Variants in GRK5 observed in about 807,000 individuals in gnomAD.
GRK5 encodes g protein-coupled receptor kinase GRK5.
A neutral mutation model predicts 78.4 loss-of-function variants in GRK5; 40 were observed. The ratio of observed to expected loss-of-function variants is 0.51; its 90% confidence interval spans 0.40 to 0.66. GRK5 has a LOEUF of 0.66. Among genes scored for constraint, GRK5 ranks in the 30% least tolerant of loss-of-function variants. The pLI, the probability that GRK5 is intolerant of heterozygous loss-of-function variation, is 0.00. For synonymous variants in GRK5, 289 were observed against 296.8 expected (o/e 0.97, Z 0.27); for missense variants, 598 against 759.9 (o/e 0.79, Z 2.50).
chr10:119,245,537 A>G (rs779759345), intron 1 of GRK5, among the ~76,000 whole-genome samples: 11 of 152,348 alleles, frequency 7.2e-5, no homozygotes, highest in Non-Finnish European at 1.2e-4. Context: ...AAGAACAAAT[A>G]ATGCACAATT....
At chr10:119,416,155 C>T (rs1184942963) in intron 4 of GRK5, among the ~76,000 whole-genome samples, 1 of 152,250 alleles carries the variant, frequency 6.6e-6, no homozygotes, top group Non-Finnish European at 1.5e-5. Flanking sequence ...CACCCTGACA[C>T]TTGAAACAAG....
chr10:119,355,477 A>G (rs1271395649), intron 2 of GRK5, among the ~76,000 whole-genome samples: 1 of 152,144 alleles, frequency 6.6e-6, no homozygotes, highest in Non-Finnish European at 1.5e-5. Context: ...AAAAGGTATA[A>G]CCCACATAAA....
At chr10:119,340,236 C>T (rs1363145591) in intron 2 of GRK5, among the ~76,000 whole-genome samples, 6 of 152,110 alleles carry the variant, frequency 3.9e-5, no homozygotes, top group Admixed American at 3.9e-4. Context: ...AAATGATTCT[C>T]ATGCCTCAGC....
chr10:119,321,261 C>T lies in GRK5; in HGVS notation c.53-5255C>T, dbSNP rs1298620948. On this transcript the variant is annotated intron_variant, in intron 1 of 15. Coordinates refer to ENST00000392870, the MANE Select transcript of GRK5 (RefSeq NM_005308.3). ...GTCTGCTGTCATTTAGGGGGATCCCCTGCTGAGAACATCCTCGTATTAGCT... is the reference window on the plus strand; with the variant it reads ...GTCTGCTGTCATTTAGGGGGATCCCTTGCTGAGAACATCCTCGTATTAGCT... Among the ~76,000 whole-genome samples, 6 of 152,332 alleles carry T rather than the reference C, an allele frequency of 3.9e-5. No individual in the cohort carries two copies. In the South Asian group the frequency reaches 1.2e-3, roughly 32 times the overall value.
chr10:119,332,541 T>C, intron 2 of GRK5, among the ~76,000 whole-genome samples: 1 of 152,228 alleles, frequency 6.6e-6, no homozygotes, highest in East Asian at 1.9e-4. Context: ...GGTTGTTGTC[T>C]ACATTCATAA....
rs1270353333 is a variant in GRK5, at chr10:119,448,140, G to A, written c.1284G>A (p.Ala428=). ...TGTTTCAGCTGCTCACGAAAGATGC[G>A]AAGCAGAGGCTGGGCTGCCAGGAGG... ...SICKMLLTKD[A]KQRLGCQEEG... is the part of the protein sequence containing the mutation. The change falls in exon 13 of 16, where the codon GCG becomes GCA. Residue 428 remains alanine (A), a synonymous_variant. Transcript: ENST00000392870. 10 of 1,559,624 alleles carry A rather than the reference G, an allele frequency of 6.4e-6. No individual in the cohort carries two copies. Among genetic ancestry groups the A allele is most frequent in the South Asian group, 1.2e-5 (1 of 83,084 alleles).
intron 6 of GRK5, among the ~76,000 whole-genome samples, chr10:119,427,706 C>T (rs1006483140): frequency 7.4e-6 from 1 of 135,054 alleles, no homozygotes; most frequent in Non-Finnish European, 1.5e-5. Context: ...AACAGCATCA[C>T]CACCATCATT....
chr10:119,265,299 C>T (rs1057155304), intron 1 of GRK5, among the ~76,000 whole-genome samples: 3 of 152,178 alleles, frequency 2.0e-5, no homozygotes, highest in Non-Finnish European at 2.9e-5. Context: ...GCTGAGGCCC[C>T]CCCGCAGGTG....
At chr10:119,407,961 C>T (rs562829578) in intron 4 of GRK5, among the ~76,000 whole-genome samples, 4 of 152,026 alleles carry the variant, frequency 2.6e-5, no homozygotes, top group African/African-American at 7.2e-5. Context: ...GTCGGGAGTT[C>T]AAGACCAGCC....
chr10:119,261,044 C>CA (rs1205702468), intron 1 of GRK5, among the ~76,000 whole-genome samples: 1 of 116,482 alleles, frequency 8.6e-6, no homozygotes, highest in Non-Finnish European at 1.9e-5. Flanking sequence ...GCTGACCCCC[C>CA]CACCTCCCTC....
intron 1 of GRK5, chr10:119,211,676 C>T (rs759941051): frequency 6.6e-6 from 1 of 152,254 alleles, no homozygotes; most frequent in Non-Finnish European, 1.5e-5. Flanking sequence ...TCATTTGTCA[C>T]AATTGCCAAA....
At chr10:119,333,467 G>C in intron 2 of GRK5, 1 of 241,338 alleles carries the variant, frequency 4.1e-6, no homozygotes, top group Admixed American at 5.1e-5. Context: ...TTAGCTCAGG[G>C]GACTGGAGAG....
At chr10:119,333,937 C>G in intron 2 of GRK5, 5 of 466,168 alleles carry the variant, frequency 1.1e-5, no homozygotes, top group Non-Finnish European at 1.7e-5. Flanking sequence ...GAGGAAGTGG[C>G]GTCCCTCCTG....
chr10:119,207,926 G>T lies in GRK5; in HGVS notation c.9G>T (p.Leu3=). Residue 3 remains leucine, a synonymous_variant, in exon 1 of 16, where the codon CTG becomes CTT. Coordinates refer to ENST00000392870, the MANE Select transcript of GRK5 (RefSeq NM_005308.3). ...CTGACCGCCGACTGTCAATGGAGCT[G>T]GAAAACATCGTGGCCAACACGGTCT... ME[L]ENIVANTVLL... 1 of 1,603,674 alleles carries T rather than the reference G, an allele frequency of 6.2e-7. No homozygotes were observed.
chr10:119,268,395 C>A (rs762825141), intron 1 of GRK5, among the ~76,000 whole-genome samples: 1 of 152,342 alleles, frequency 6.6e-6, no homozygotes, highest in Admixed American at 6.5e-5. Context: ...TGGGCAGCCC[C>A]GTTGGTTTCA....
intron 1 of GRK5, among the ~76,000 whole-genome samples, chr10:119,226,546 T>A (rs1193558755): frequency 1.4e-5 from 2 of 146,556 alleles, no homozygotes; most frequent in Non-Finnish European, 3.0e-5. Flanking sequence ...TGTCTCTGTA[T>A]CTTTTTTTTT....
chr10:119,361,482 T>C (rs1350499295), intron 2 of GRK5, among the ~76,000 whole-genome samples: 2 of 152,186 alleles, frequency 1.3e-5, no homozygotes, highest in African/African-American at 4.8e-5. Flanking sequence ...CACACAACCA[T>C]GGATAAGACA....
intron 1 of GRK5, among the ~76,000 whole-genome samples, chr10:119,246,950 C>T (rs778060602): frequency 2.6e-5 from 4 of 152,164 alleles, no homozygotes; most frequent in Non-Finnish European, 4.4e-5. Flanking sequence ...CAGAGGGCCT[C>T]GCTGAGAGCC....
Position 119,430,250 on chromosome 10 carries a change from C to A in GRK5, c.534-125C>A. The A allele has an allele frequency of 1.3e-6, 1 of 798,708 alleles. No individual in the cohort carries two copies. 49.5% of individuals were successfully genotyped at this position (798,708 alleles called of 1,614,324 possible). A position where few individuals can be genotyped will look rare whatever the true frequency, so the allele number is the denominator to read the frequency against. On this transcript the variant is annotated intron_variant, in intron 6 of 15. Coordinates refer to ENST00000392870, the MANE Select transcript of GRK5 (RefSeq NM_005308.3). The surrounding 1 kb of genome is among the most constrained non-coding windows in gnomAD (Gnocchi z 4.5). ...TCTCCAGCGATGATTCCTGGGGGGT[C>A]CCTGGGGCTGCTGTGGGGCTCCTGG...
Sources: gnomAD v4.1 joint callset for allele counts (sites outside exome capture counted in the v4.1 genomes callset) on GRCh38, gnomAD v4.1.1 for gene constraint, Gnocchi (gnomAD v3.1) non-coding constraint, MANE v1.5 for transcripts, NCBI Gene and HGNC (gene_info 2026-07-23, HGNC 2026-07-21) for gene names.